The following CNOT6L variants were observed in gnomAD, a reference collection of about 807,000 sequenced individuals.
The protein encoded by CNOT6L is CCR4-NOT transcription complex subunit 6-like.
CNOT6L carries 7 observed loss-of-function variants against 64.0 expected under a neutral mutation model. That is an observed-to-expected ratio of 0.11 (90% CI 0.06 to 0.21). The LOEUF (loss-of-function observed/expected upper bound fraction) is 0.21, where lower values mean the gene tolerates loss of function less well. CNOT6L is among the 10% of genes least tolerant of loss of function. The pLI is 1.00. For missense variants in CNOT6L, 245 were observed against 669.0 expected, an observed-to-expected ratio of 0.37 and a Z score of 6.99; for synonymous variants, 193 against 243.4, an observed-to-expected ratio of 0.79 and a Z score of 1.93.
In CNOT6L at chr4:77,715,281, TA is replaced by T. The variant is rs774217962; in HGVS notation, c.*5149del. ...ACTTGGCATTTGTATATCCTTTCCA[TA>T]ATGTGATTTGTTTCTGATGACATAC... On this transcript the variant is annotated 3_prime_UTR_variant, in exon 12 of 12. Transcript: ENST00000504123. The T allele has an allele frequency of 2.0e-5, 3 of 152,214 alleles. No individual in the cohort carries two copies. The highest frequency in any genetic ancestry group is 4.1e-4 in the South Asian group (2 of 4,826). The allele number at this position is 152,214 out of a possible 1,614,324, so 9.4% of individuals were successfully genotyped here.
At chr4:77,720,690 T>TCC in intron 11 of CNOT6L, 47 bp from the exon 12 acceptor site, 1 of 1,590,504 alleles carries the variant, frequency 6.3e-7, no homozygotes, top group Non-Finnish European at 8.6e-7. Context: ...TCAAGATATA[T>TCC]AAAGAACAAT....
intron 6 of CNOT6L, among the ~76,000 whole-genome samples, chr4:77,747,610 G>A (rs1724348847): frequency 6.6e-6 from 1 of 151,438 alleles, no homozygotes; most frequent in African/African-American, 2.4e-5. Context: ...TTCGAAAAAC[G>A]GTAATTCATA....
intron 10 of CNOT6L, among the ~76,000 whole-genome samples, chr4:77,726,697 A>AC (rs778586160): frequency 2.0e-5 from 3 of 152,184 alleles, no homozygotes; most frequent in Non-Finnish European, 2.9e-5. Flanking sequence ...GAAGGTATTA[A>AC]CCCTAAATGT....
intron 1 of CNOT6L, among the ~76,000 whole-genome samples, chr4:77,797,378 G>T (rs1237047703): frequency 6.6e-6 from 1 of 152,130 alleles, no homozygotes; most frequent in African/African-American, 2.4e-5. Flanking sequence ...TAAATTGTGT[G>T]CCAGTCTGAG....
At chr4:77,814,379 C>T (rs1733325275) in intron 1 of CNOT6L, among the ~76,000 whole-genome samples, 1 of 152,026 alleles carries the variant, frequency 6.6e-6, no homozygotes, top group Non-Finnish European at 1.5e-5. Context: ...CTAAATTATA[C>T]CTCATAAAAG....
intron 1 of CNOT6L, among the ~76,000 whole-genome samples, chr4:77,787,848 G>A (rs899132487): frequency 6.6e-6 from 1 of 152,132 alleles, no homozygotes; most frequent in African/African-American, 2.4e-5. Flanking sequence ...TCCAATTCTA[G>A]CATTCAGAAA....
chr4:77,751,894 A>G (rs1724904767), intron 5 of CNOT6L, among the ~76,000 whole-genome samples: 1 of 152,238 alleles, frequency 6.6e-6, no homozygotes, highest in East Asian at 1.9e-4. Context: ...AAAGAGGGCC[A>G]GATGCAGTGG....
chr4:77,803,902 CAAAAAAAAA>C (rs1298973321), intron 1 of CNOT6L, among the ~76,000 whole-genome samples: 1 of 144,836 alleles, frequency 6.9e-6, no homozygotes, highest in Non-Finnish European at 1.5e-5. Flanking sequence ...AATTCCGTCT[CAAAAAAAAA>C]AGAAAAAAGC....
intron 11 of CNOT6L, among the ~76,000 whole-genome samples, chr4:77,721,063 T>C (rs1260279154): frequency 6.6e-6 from 1 of 152,220 alleles, no homozygotes; most frequent in African/African-American, 2.4e-5. Context: ...TTTTCAATTA[T>C]TTGCATATCA....
intron 7 of CNOT6L, chr4:77,742,496 C>T: frequency 3.1e-6 from 2 of 636,346 alleles, no homozygotes; most frequent in Non-Finnish European, 5.7e-6. Flanking sequence ...AGAAAGGTGA[C>T]ATGATTTTCT....
At chr4:77,815,399 A>G (rs1733451519) in intron 1 of CNOT6L, among the ~76,000 whole-genome samples, 1 of 152,160 alleles carries the variant, frequency 6.6e-6, no homozygotes, top group Admixed American at 6.5e-5. Context: ...TTGTCATTTA[A>G]GCCCCTCAGT....
intron 5 of CNOT6L, among the ~76,000 whole-genome samples, chr4:77,751,487 G>T (rs1724862073): frequency 6.6e-6 from 1 of 152,118 alleles, no homozygotes; most frequent in South Asian, 2.1e-4. Flanking sequence ...TATTCTATGA[G>T]AGAACAGGTG....
rs202158359 is a variant in CNOT6L at position 77,776,317 on chromosome 4, C to T, written c.81G>A (p.Glu27=). ...RRIYTIMSAE[E]VANGKKSHWA... is the part of the protein sequence containing the mutation. Reference sequence around the variant, plus strand: ...AGTGAGATTTTTTCCCATTGGCTACCTCCTCTGCTGACATGATGGTATAAA... The same window carrying T: ...AGTGAGATTTTTTCCCATTGGCTACTTCCTCTGCTGACATGATGGTATAAA... Residue 27 remains glutamate, a synonymous_variant, in exon 2 of 12, where the codon GAG becomes GAA. Transcript: ENST00000504123. 128 of 1,611,438 alleles carry T rather than the reference C, an allele frequency of 7.9e-5. No individual in the cohort carries two copies. The highest frequency in any genetic ancestry group is 9.8e-5 in the Non-Finnish European group (116 of 1,179,342).
At chr4:77,779,128 G>A (rs775694942) in intron 1 of CNOT6L, among the ~76,000 whole-genome samples, 4 of 150,232 alleles carry the variant, frequency 2.7e-5, no homozygotes, top group Non-Finnish European at 5.9e-5. Flanking sequence ...TTTTAATCAC[G>A]GCTCCCACTA....
In CNOT6L at chr4:77,765,674, C is replaced by T. The variant is rs551712256; in HGVS notation, c.400+7407G>A. On this transcript the variant is annotated intron_variant, in intron 4 of 11. Coordinates refer to ENST00000504123, the MANE Select transcript of CNOT6L (RefSeq NM_144571.3). ...TTAAAAAATTGTTAGGAGAATCAGT[C>T]TACTATGGGCCTTGTGCCTCCCTCT... is the stretch of plus-strand genomic sequence containing the variant. Among the ~76,000 whole-genome samples the T allele has an allele frequency of 1.3e-5, 2 of 152,236 alleles. 1 individual carries two copies. Among genetic ancestry groups the T allele is most frequent in the South Asian group, 4.2e-4 (2 of 4,816 alleles).
chr4:77,791,809 T>C (rs1730180498), intron 1 of CNOT6L, among the ~76,000 whole-genome samples: 1 of 152,098 alleles, frequency 6.6e-6, no homozygotes, highest in South Asian at 2.1e-4. Context: ...TTGTGAAAAA[T>C]ATTCCGATAA....
At chr4:77,752,165 C>CA (rs1231731599) in intron 5 of CNOT6L, among the ~76,000 whole-genome samples, 1 of 151,756 alleles carries the variant, frequency 6.6e-6, no homozygotes, top group East Asian at 1.9e-4. Flanking sequence ...AATGGAACAC[C>CA]AAAAAAGGAA....
chr4:77,791,883 C>G (rs1014637926), intron 1 of CNOT6L, among the ~76,000 whole-genome samples: 9 of 151,970 alleles, frequency 5.9e-5, no homozygotes, highest in African/African-American at 2.2e-4. Context: ...GACCATATTC[C>G]TCCCAGAGAA....
At chr4:77,798,919 G>C (rs1731184962) in intron 1 of CNOT6L, among the ~76,000 whole-genome samples, 1 of 151,842 alleles carries the variant, frequency 6.6e-6, no homozygotes, top group Non-Finnish European at 1.5e-5. Context: ...GTCAAGGCTA[G>C]AGTGTGCCAT....
Sources: allele counts gnomAD v4.1 joint callset (sites outside exome capture counted in the v4.1 genomes callset), GRCh38; gene constraint gnomAD v4.1.1; transcripts MANE v1.5; gene names NCBI Gene and HGNC (gene_info 2026-07-23, HGNC 2026-07-21).